Variants in CHL1 observed in about 807,000 individuals in gnomAD.
The protein encoded by CHL1 is cell adhesion molecule L1 like.
CHL1 carries 96 observed loss-of-function variants against 141.9 expected under a neutral mutation model. That is an observed-to-expected ratio of 0.68 (90% CI 0.57 to 0.80). The LOEUF (loss-of-function observed/expected upper bound fraction) is 0.80. Among genes scored for constraint, CHL1 ranks in the 30% least tolerant of loss-of-function variants. The pLI, the probability that CHL1 is intolerant of heterozygous loss-of-function variation, is 0.00. For synonymous variants in CHL1, 613 were observed against 502.2 expected (o/e 1.22, Z -2.95); for missense variants, 1,820 against 1,457.2 (o/e 1.25, Z -4.05).
At position 406,342 on chromosome 3, in the gene CHL1, A is replaced by G. The variant is rs377635920; in HGVS notation, c.*631A>G. 4.0e-5 allele frequency: 6 copies of G among 151,836 alleles called. No homozygotes were observed. Among genetic ancestry groups the G allele is most frequent in the East Asian group, 3.8e-4 (2 of 5,196 alleles). The allele number at this position is 151,836 out of a possible 1,614,324, so 9.4% of individuals were successfully genotyped here. A position where few individuals can be genotyped will look rare whatever the true frequency, so the allele number is the denominator to read the frequency against. On this transcript the variant is annotated 3_prime_UTR_variant, in exon 28 of 28. Coordinates refer to ENST00000256509, the MANE Select transcript of CHL1 (RefSeq NM_006614.4). ...CAGAAGTATACGTTTTTCAGTTTCA[A>G]CATGAATTTTTTTATTTCTGTCAGT...
At chr3:311,501 C>G (rs532333356) in intron 2 of CHL1, among the ~76,000 whole-genome samples, 1 of 152,112 alleles carries the variant, frequency 6.6e-6, no homozygotes, top group East Asian at 1.9e-4. Flanking sequence ...ATCCACGGCT[C>G]CTGCCCACTG....
chr3:368,604 C>T (rs544242983), intron 15 of CHL1, among the ~76,000 whole-genome samples: 2 of 152,076 alleles, frequency 1.3e-5, no homozygotes, highest in Non-Finnish European at 2.9e-5. Context: ...TGATTAGATC[C>T]CATTTGTAAA....
chr3:321,828 T>C (rs530001716), intron 3 of CHL1, among the ~76,000 whole-genome samples: 35 of 152,222 alleles, frequency 2.3e-4, no homozygotes, highest in African/African-American at 7.7e-4. Context: ...CTAAGGCAGA[T>C]ATCCAATTTG....
intron 26 of CHL1, among the ~76,000 whole-genome samples, chr3:401,048 T>C (rs9871617): frequency 0.98 from 148,234 of 151,908 alleles, 72,423 homozygotes; most frequent in East Asian, 1. Flanking sequence ...ACTACAGGTG[T>C]ATGCTACCAT....
chr3:256,840 C>G (rs1289820894), intron 2 of CHL1, among the ~76,000 whole-genome samples: 3 of 152,158 alleles, frequency 2.0e-5, no homozygotes, highest in African/African-American at 7.2e-5. Flanking sequence ...TGAGTGATGG[C>G]ATGATTTGAA....
chr3:326,473 T>A (rs1172378789), intron 4 of CHL1, among the ~76,000 whole-genome samples: 1 of 152,006 alleles, frequency 6.6e-6, no homozygotes, highest in Non-Finnish European at 1.5e-5. Flanking sequence ...AATTTAAACA[T>A]CTTATTTTGT....
intron 1 of CHL1, among the ~76,000 whole-genome samples, chr3:205,598 G>T (rs950259351): frequency 2.6e-5 from 4 of 152,156 alleles, no homozygotes; most frequent in African/African-American, 9.7e-5. Context: ...CTTTTCCAAA[G>T]CATCCTGAAT....
intron 15 of CHL1, among the ~76,000 whole-genome samples, chr3:372,812 CTTTCT>C (rs1458563479): frequency 6.6e-6 from 1 of 151,022 alleles, no homozygotes; most frequent in African/African-American, 2.4e-5. Flanking sequence ...GTTGTTGTTG[CTTTCT>C]TTTCTTTCTT....
chr3:357,266 A>T (rs576397139), intron 11 of CHL1, among the ~76,000 whole-genome samples: 117 of 152,318 alleles, frequency 7.7e-4, no homozygotes, highest in African/African-American at 2.7e-3. Flanking sequence ...ATATTTGATG[A>T]CAGAGTGTTG....
intron 1 of CHL1, among the ~76,000 whole-genome samples, chr3:220,383 C>A (rs777993019): frequency 6.6e-6 from 1 of 152,140 alleles, no homozygotes; most frequent in Non-Finnish European, 1.5e-5. Context: ...GTGGAAGGAT[C>A]TCTTGAGCCT....
At chr3:343,514 T>C (rs926084759) in intron 8 of CHL1, among the ~76,000 whole-genome samples, 4 of 152,200 alleles carry the variant, frequency 2.6e-5, no homozygotes, top group East Asian at 1.9e-4. Flanking sequence ...TTCAAGTTCA[T>C]GTGTCTGCGT....
chr3:287,390 C>T (rs1390934943), intron 2 of CHL1, among the ~76,000 whole-genome samples: 2 of 152,216 alleles, frequency 1.3e-5, no homozygotes, highest in East Asian at 3.9e-4. Flanking sequence ...GTAATTGCCA[C>T]CTGATAGGTT....
chr3:229,245 G>C (rs13061475), intron 1 of CHL1, among the ~76,000 whole-genome samples: 18,979 of 152,062 alleles, frequency 0.12, 1,318 homozygotes, highest in Middle Eastern at 0.19. Flanking sequence ...CCTTCATAAT[G>C]TTTTTTTCCT....
intron 10 of CHL1, among the ~76,000 whole-genome samples, chr3:353,178 CAAG>C (rs1703412118): frequency 6.6e-6 from 1 of 152,100 alleles, no homozygotes; most frequent in African/African-American, 2.4e-5. Context: ...AGTAATTATT[CAAG>C]AAGATTTACA....
intron 2 of CHL1, among the ~76,000 whole-genome samples, chr3:299,356 G>C (rs972033564): frequency 2.6e-5 from 4 of 152,034 alleles, no homozygotes; most frequent in African/African-American, 7.2e-5. Context: ...GAATGAGATG[G>C]GCTAAGTTAG....
At chr3:382,100 G>A in intron 16 of CHL1, 79 bp from the exon 17 acceptor site, 1 of 1,246,950 alleles carries the variant, frequency 8.0e-7, no homozygotes, top group Non-Finnish European at 1.2e-6. Context: ...CTGTCTCCGG[G>A]TAGCTGGCAA....
chr3:257,835 A>G (rs1222834456), intron 2 of CHL1, among the ~76,000 whole-genome samples: 3 of 152,232 alleles, frequency 2.0e-5, no homozygotes, highest in Admixed American at 1.3e-4. Flanking sequence ...CCAATTACAA[A>G]TAAGTGCAAG....
chr3:281,768 C>G (rs1696679771), intron 2 of CHL1, among the ~76,000 whole-genome samples: 1 of 152,082 alleles, frequency 6.6e-6, no homozygotes, highest in Non-Finnish European at 1.5e-5. Context: ...CCATGTTGGC[C>G]AGGCTGGTCA....
intron 13 of CHL1, among the ~76,000 whole-genome samples, chr3:362,036 T>A (rs1175566034): frequency 1.3e-5 from 2 of 152,206 alleles, no homozygotes; most frequent in Non-Finnish European, 2.9e-5. Context: ...GAGCCACTTG[T>A]GTTCATAAAG....
Sources: gnomAD v4.1 joint callset for allele counts (sites outside exome capture counted in the v4.1 genomes callset) on GRCh38, gnomAD v4.1.1 for gene constraint, MANE v1.5 for transcripts, NCBI Gene and HGNC (gene_info 2026-07-23, HGNC 2026-07-21) for gene names.